Variants in P2RY13 observed in about 807,000 individuals in gnomAD.
P2RY13 encodes the protein purinergic receptor P2Y13, also known as P2Y purinoceptor 13.
For missense variants in P2RY13, 412 were observed against 418.4 expected (o/e 0.98, Z 0.13); for synonymous variants, 150 against 155.1 (o/e 0.97, Z 0.24).
rs929929960 is a variant in P2RY13 at position 151,326,327 on chromosome 3, A to G, written c.*1664T>C. The G allele has an allele frequency of 1.3e-5, 2 of 152,622 alleles. No individual in the cohort carries two copies. Among genetic ancestry groups the G allele is most frequent in the Non-Finnish European group, 2.9e-5 (2 of 68,038 alleles). The allele number at this position is 152,622 out of a possible 1,614,324, so 9.5% of individuals were successfully genotyped here. A position where few individuals can be genotyped will look rare whatever the true frequency, so the allele number is the denominator to read the frequency against. ...CCAAATGGGCTTTATTTTATCAAAC[A>G]TTTATTGATTGCACAATGAAACAAT... On this transcript the variant is annotated 3_prime_UTR_variant, in exon 2 of 2. Transcript: ENST00000325602.
In P2RY13 at chr3:151,329,472, G is replaced by A; in HGVS notation, c.48+9C>T. On this transcript the variant is annotated intron_variant, in intron 1 of 1. Transcript: ENST00000325602. ...AAGCACACTCATAATAACAAAAATTGAAATTCACCTTTGGGAGGATACTCA... is the reference window on the plus strand; with the variant it reads ...AAGCACACTCATAATAACAAAAATTAAAATTCACCTTTGGGAGGATACTCA... The A allele has an allele frequency of 1.3e-6, 2 of 1,530,160 alleles. No individual in the cohort carries two copies. The highest frequency in any genetic ancestry group is 1.2e-5 in the South Asian group (1 of 82,756). 94.8% of individuals were successfully genotyped at this position (1,530,160 alleles called of 1,614,324 possible).
At position 151,328,772 on chromosome 3, in the gene P2RY13, A is replaced by G; in HGVS notation, c.284T>C (p.Met95Thr). 2 of 1,614,024 alleles carry G rather than the reference A, an allele frequency of 1.2e-6. No individual in the cohort carries two copies. Among genetic ancestry groups the G allele is most frequent in the Non-Finnish European group, 8.5e-7 (1 of 1,179,940 alleles). Residue 95 changes from methionine to threonine, a missense_variant, in exon 2 of 2, where the codon ATG (methionine) becomes ACG (threonine). Met to Thr is a moderately conservative substitution (Grantham distance 81, BLOSUM62 -1). Transcript: ENST00000325602. ...GTCAGAGAGGATTTTGAAAGGAAGC[A>G]TGAGTGTCATTATCAAGTCGGCCAC... is the stretch of plus-strand genomic sequence containing the variant. ...TLVADLIMTL[M>T]LPFKILSDSH...
Position 151,328,875 on chromosome 3 carries a change from G to C in P2RY13, c.181C>G (p.Leu61Val). ...YTVVFLTGIL[L>V]NTLALWVFVH... The stretch of plus-strand genomic sequence containing the variant: ...AACACCCACAGAGCCAAAGTATTCA[G>C]CAGGATGCCGGTCAAGAAAACCACT... The change falls in exon 2 of 2, where the codon CTG becomes GTG. Residue 61 changes from leucine (L) to valine (V), a missense_variant. By Grantham distance (32) the Leu-to-Val change is conservative. Transcript: ENST00000325602. 1 of 1,614,048 alleles carries C rather than the reference G, an allele frequency of 6.2e-7. No homozygotes were observed. The highest frequency in any genetic ancestry group is 8.5e-7 in the Non-Finnish European group (1 of 1,179,936).
chr3:151,328,517 A>T lies in P2RY13; in HGVS notation c.539T>A (p.Ile180Asn), dbSNP rs767732637. Residue 180 changes from isoleucine to asparagine, a missense_variant, in exon 2 of 2, where the codon ATC (isoleucine) becomes AAC (asparagine). Ile to Asn is a moderately radical substitution (Grantham distance 149). Transcript: ENST00000325602. Reference sequence around the variant, plus strand: ...TGGTGTTGCTTCCTTGTTGCTCAAGATCGTATTTGGCAGGGAGATGAAGAA... The same window carrying T: ...TGGTGTTGCTTCCTTGTTGCTCAAGTTCGTATTTGGCAGGGAGATGAAGAA... ...FLFFISLPNTILSNKEATPSS... is the reference protein window; with the variant it reads ...FLFFISLPNTNLSNKEATPSS... 1 of 1,614,024 alleles carries T rather than the reference A, an allele frequency of 6.2e-7. No homozygotes were observed. Among genetic ancestry groups the T allele is most frequent in the South Asian group, 1.1e-5 (1 of 91,088 alleles).
In P2RY13 at chr3:151,329,397, A is replaced by G. The variant is rs1750090047; in HGVS notation, c.48+84T>C. 6.2e-6 allele frequency: 5 copies of G among 801,924 alleles called. No individual in the cohort carries two copies. In the East Asian group the frequency reaches 1.4e-4, roughly 22 times the overall value. 49.7% of individuals were successfully genotyped at this position (801,924 alleles called of 1,614,324 possible). On this transcript the variant is annotated intron_variant, in intron 1 of 1. Transcript: ENST00000325602. ...GCTCATAAACTATGGTTTGTAGAAT[A>G]TTAACTTTAAAGCACCTTTTTTCCC...
In P2RY13 at chr3:151,328,874, A is replaced by G; in HGVS notation, c.182T>C (p.Leu61Pro). Residue 61 changes from leucine to proline, a missense_variant, in exon 2 of 2, where the codon CTG becomes CCG. Transcript: ENST00000325602. ...YTVVFLTGIL[L>P]NTLALWVFVH... is the part of the protein sequence containing the mutation. ...AAACACCCACAGAGCCAAAGTATTC[A>G]GCAGGATGCCGGTCAAGAAAACCAC... The G allele has an allele frequency of 6.2e-7, 1 of 1,614,076 alleles. No homozygotes were observed. Among genetic ancestry groups the G allele is most frequent in the Admixed American group, 1.7e-5 (1 of 60,004 alleles).
chr3:151,328,674 A>G lies in P2RY13; in HGVS notation c.382T>C (p.Tyr128His). 1 of 1,613,886 alleles carries G rather than the reference A, an allele frequency of 6.2e-7. No individual in the cohort carries two copies. Among genetic ancestry groups the G allele is most frequent in the Non-Finnish European group, 8.5e-7 (1 of 1,179,772 alleles). Reference protein sequence around the residue: ...FSSVIFYETMYVGIVLLGLIA... With the variant: ...FSSVIFYETMHVGIVLLGLIA... ...AGCCCTAACAGCACGATGCCCACAT[A>G]CATGGTCTCATAAAATATCACCGAA... The change falls in exon 2 of 2, where the codon TAT becomes CAT. Residue 128 changes from tyrosine (Y) to histidine (H), a missense_variant. By Grantham distance (83) the Tyr-to-His change is moderately conservative. Coordinates refer to ENST00000325602, the MANE Select transcript of P2RY13 (RefSeq NM_176894.3).
rs767732637 is a variant in P2RY13 at position 151,328,517 on chromosome 3, A to G, written c.539T>C (p.Ile180Thr). ...FLFFISLPNT[I>T]LSNKEATPSS... is the part of the protein sequence containing the mutation. ...TGGTGTTGCTTCCTTGTTGCTCAAG[A>G]TCGTATTTGGCAGGGAGATGAAGAA... The change falls in exon 2 of 2, where the codon ATC becomes ACC. Residue 180 changes from isoleucine to threonine, a missense_variant. Physicochemically the swap from Ile to Thr is moderately conservative, Grantham distance 89. Coordinates refer to ENST00000325602, the MANE Select transcript of P2RY13 (RefSeq NM_176894.3). 4 of 1,613,906 alleles carry G rather than the reference A, an allele frequency of 2.5e-6. No individual in the cohort carries two copies. The highest frequency in any genetic ancestry group is 1.3e-5 in the African/African-American group (1 of 74,904).
chr3:151,326,576 C>T lies in P2RY13; in HGVS notation c.*1415G>A, dbSNP rs1749622338. On this transcript the variant is annotated 3_prime_UTR_variant, in exon 2 of 2. Transcript: ENST00000325602. ...ATGGATAAGAGTCTTCCAAGTGTAC[C>T]AGGGGGAAATATACATGTGTGGTGC... 6.6e-6 allele frequency: 1 copy of T among 152,068 alleles called. No individual in the cohort carries two copies. The highest frequency in any genetic ancestry group is 2.4e-5 in the African/African-American group (1 of 41,388). 9.4% of individuals were successfully genotyped at this position (152,068 alleles called of 1,614,324 possible).
Position 151,328,059 on chromosome 3 carries a change from C to T in P2RY13, c.997G>A (p.Gly333Arg). Reference protein sequence around the residue: ...KFTEKLPCMQGRKTTASSQEN... With the variant: ...KFTEKLPCMQRRKTTASSQEN... ...TGGCTTGATGCTGTGGTCTTTCTCC[C>T]TTGCATACATGGTAGCTTTTCTGTG... Residue 333 changes from glycine (G) to arginine (R), a missense_variant, in exon 2 of 2, where the codon GGG (glycine) becomes AGG (arginine). By Grantham distance (125) the Gly-to-Arg change is moderately radical. Coordinates refer to ENST00000325602, the MANE Select transcript of P2RY13 (RefSeq NM_176894.3). 4 of 1,608,646 alleles carry T rather than the reference C, an allele frequency of 2.5e-6. No homozygotes were observed. The highest frequency in any genetic ancestry group is 3.4e-6 in the Non-Finnish European group (4 of 1,178,064).
At position 151,328,354 on chromosome 3, in the gene P2RY13, T is replaced by C. The variant is rs765128279; in HGVS notation, c.702A>G (p.Lys234=). The C allele has an allele frequency of 6.8e-6, 11 of 1,610,758 alleles. No homozygotes were observed. Among genetic ancestry groups the C allele is most frequent in the Admixed American group, 1.7e-5 (1 of 59,560 alleles). ...TGGACTTTCTATAAGAATCATATAC[T>C]TTTTTTGCAATAACCACATAAAACA... ...MLVFYVVIAK[K]VYDSYRKSKS... The change falls in exon 2 of 2, where the codon AAA becomes AAG. Residue 234 remains lysine, a synonymous_variant. Coordinates refer to ENST00000325602, the MANE Select transcript of P2RY13 (RefSeq NM_176894.3).
At chr3:151,329,133 TTCAATAGA>T in intron 1 of P2RY13, 126 bp from the exon 2 acceptor site, 1 of 673,332 alleles carries the variant, frequency 1.5e-6, no homozygotes. Flanking sequence ...ATCCAACACT[TTCAATAGA>T]TGTGTTGAAA....
At position 151,326,672 on chromosome 3, in the gene P2RY13, G is replaced by A. The variant is rs1749635987; in HGVS notation, c.*1319C>T. ...AGTATAAAGTTCAAGAGATGGATAA[G>A]TAGCTAGGAGGTAAGGCCAGAAAGG... On this transcript the variant is annotated 3_prime_UTR_variant, in exon 2 of 2. Coordinates refer to ENST00000325602, the MANE Select transcript of P2RY13 (RefSeq NM_176894.3). 6.6e-6 allele frequency: 1 copy of A among 152,204 alleles called. No individual in the cohort carries two copies. The highest frequency in any genetic ancestry group is 6.5e-5 in the Admixed American group (1 of 15,276). 9.4% of individuals were successfully genotyped at this position (152,204 alleles called of 1,614,324 possible).
Position 151,328,391 on chromosome 3 carries a change from A to AT in P2RY13, c.664dup (p.Ile222AsnfsTer16). 2 of 1,613,792 alleles carry AT rather than the reference A, an allele frequency of 1.2e-6. No individual in the cohort carries two copies. Among genetic ancestry groups the AT allele is most frequent in the African/African-American group, 2.7e-5 (2 of 75,022 alleles). On this transcript the variant is annotated frameshift_variant, in exon 2 of 2. Coordinates refer to ENST00000325602, the MANE Select transcript of P2RY13 (RefSeq NM_176894.3). LOFTEE classifies it low-confidence loss of function (END_TRUNC). The stretch of plus-strand genomic sequence containing the variant: ...AACCACATAAAACACAAGCATTAGG[A>AT]TAAAAACAGTCCAGAAAATAAACTG...
chr3:151,327,311 A>G lies in P2RY13; in HGVS notation c.*680T>C, dbSNP rs955035253. Reference sequence around the variant, plus strand: ...TTGCTGGACAGAAGGAGAATTCCAAAGAATAGTTAACACAGCATTCTCACA... The same window carrying G: ...TTGCTGGACAGAAGGAGAATTCCAAGGAATAGTTAACACAGCATTCTCACA... On this transcript the variant is annotated 3_prime_UTR_variant, in exon 2 of 2. Coordinates refer to ENST00000325602, the MANE Select transcript of P2RY13 (RefSeq NM_176894.3). The G allele has an allele frequency of 3.0e-4, 46 of 152,374 alleles. 1 individual carries two copies. Among genetic ancestry groups the G allele is most frequent in the African/African-American group, 8.9e-4 (37 of 41,582 alleles). 9.4% of individuals were successfully genotyped at this position (152,374 alleles called of 1,614,324 possible).
Position 151,327,112 on chromosome 3 carries a change from A to T in P2RY13, c.*879T>A, listed in dbSNP as rs1169793468. The T allele has an allele frequency of 6.6e-6, 1 of 152,202 alleles. No homozygotes were observed. Among genetic ancestry groups the T allele is most frequent in the African/African-American group, 2.4e-5 (1 of 41,442 alleles). The allele number at this position is 152,202 out of a possible 1,614,324, so 9.4% of individuals were successfully genotyped here. ...CAAGAAGCTTTAACATTTTTAGCGG[A>T]TGCAGTCAAGAATATAGCTAACTAG... is the stretch of plus-strand genomic sequence containing the variant. On this transcript the variant is annotated 3_prime_UTR_variant, in exon 2 of 2. Transcript: ENST00000325602.
rs1322681529 is a variant in P2RY13 at position 151,328,700 on chromosome 3, G to A, written c.356C>T (p.Ser119Phe). The A allele has an allele frequency of 6.2e-7, 1 of 1,613,678 alleles. No individual in the cohort carries two copies. The highest frequency in any genetic ancestry group is 2.2e-5 in the East Asian group (1 of 44,888). The change falls in exon 2 of 2, where the codon TCT becomes TTT. Residue 119 changes from serine (S) to phenylalanine (F), a missense_variant. Physicochemically the swap from Ser to Phe is radical, Grantham distance 155 (BLOSUM62 -2). Coordinates refer to ENST00000325602, the MANE Select transcript of P2RY13 (RefSeq NM_176894.3). ...CATGGTCTCATAAAATATCACCGAA[G>A]AAAAACGACACACAAAAGCTCTGAG... The part of the protein sequence containing the change: ...WQLRAFVCRF[S>F]SVIFYETMYV...
At position 151,327,773 on chromosome 3, in the gene P2RY13, A is replaced by C; in HGVS notation, c.*218T>G. On this transcript the variant is annotated 3_prime_UTR_variant, in exon 2 of 2. Coordinates refer to ENST00000325602, the MANE Select transcript of P2RY13 (RefSeq NM_176894.3). ...AAGAAAGAAAGAAATAATGACCTCT[A>C]GTGGCCATTTGTATCCTGTTGCATT... The C allele has an allele frequency of 2.6e-6, 1 of 381,530 alleles. No individual in the cohort carries two copies. The highest frequency in any genetic ancestry group is 4.6e-6 in the Non-Finnish European group (1 of 215,166). The allele number at this position is 381,530 out of a possible 1,614,324, so 23.6% of individuals were successfully genotyped here. A position where few individuals can be genotyped will look rare whatever the true frequency, so the allele number is the denominator to read the frequency against.
rs1489408092 is a variant in P2RY13 at position 151,328,726 on chromosome 3, C to CT, written c.329dup (p.Leu111AlafsTer15). 6.2e-7 allele frequency: 1 copy of CT among 1,613,962 alleles called. No individual in the cohort carries two copies. The highest frequency in any genetic ancestry group is 2.2e-5 in the East Asian group (1 of 44,878). On this transcript the variant is annotated frameshift_variant, in exon 2 of 2. Coordinates refer to ENST00000325602, the MANE Select transcript of P2RY13 (RefSeq NM_176894.3). LOFTEE classifies it low-confidence loss of function (END_TRUNC). ...AAAAACGACACACAAAAGCTCTGAGCTGCCAGGGTGCCAGGTGTGAGTCAG... is the reference window on the plus strand; with the variant it reads ...AAAAACGACACACAAAAGCTCTGAGCTTGCCAGGGTGCCAGGTGTGAGTCAG...
Sources: allele counts gnomAD v4.1 joint callset, GRCh38; gene constraint gnomAD v4.1.1; transcripts MANE v1.5; gene names NCBI Gene and HGNC (gene_info 2026-07-23, HGNC 2026-07-21).